CNKSR3: variants seen among roughly 807,000 people sequenced by gnomAD.
The protein encoded by CNKSR3 is CNKSR family member 3.
In CNKSR3, 36 loss-of-function variants were observed where a neutral mutation model predicts 67.7. That is an observed-to-expected ratio of 0.53 (90% CI 0.41 to 0.70). CNKSR3 has a LOEUF of 0.70. Ranked by LOEUF, CNKSR3 falls within the 30% of genes least tolerant of loss-of-function variation. The pLI, the probability that CNKSR3 is intolerant of heterozygous loss-of-function variation, is 0.00. For synonymous variants in CNKSR3, 281 were observed against 271.4 expected, an observed-to-expected ratio of 1.04 and a Z score of -0.35; for missense variants, 630 against 695.2, an observed-to-expected ratio of 0.91 and a Z score of 1.05.
chr6:154,416,804 A>T (rs1554231423), intron 9 of CNKSR3, among the ~76,000 whole-genome samples: 1 of 152,192 alleles, frequency 6.6e-6, no homozygotes, highest in Non-Finnish European at 1.5e-5. Context: ...GGCACATCGC[A>T]AGAACACCTG....
At chr6:154,463,768 C>G in intron 1 of CNKSR3, among the ~76,000 whole-genome samples, 1 of 152,090 alleles carries the variant, frequency 6.6e-6, no homozygotes, top group Admixed American at 6.5e-5. Flanking sequence ...GGCTCTGGCT[C>G]TCATGAGCTA....
At chr6:154,462,489 C>CA (rs1460200445) in intron 1 of CNKSR3, among the ~76,000 whole-genome samples, 1 of 152,196 alleles carries the variant, frequency 6.6e-6, no homozygotes, top group Non-Finnish European at 1.5e-5. Flanking sequence ...TCTTAATGCA[C>CA]AACTTCAATG....
At chr6:154,407,355 T>A (rs1025092673) in intron 12 of CNKSR3, among the ~76,000 whole-genome samples, 2 of 152,224 alleles carry the variant, frequency 1.3e-5, no homozygotes, top group Non-Finnish European at 2.9e-5. Context: ...CCCCCTGGGA[T>A]GTGGCTGGAA....
At chr6:154,409,896 A>G (rs1225927554) in intron 12 of CNKSR3, among the ~76,000 whole-genome samples, 2 of 151,468 alleles carry the variant, frequency 1.3e-5, no homozygotes, top group East Asian at 3.9e-4. Flanking sequence ...AAAAAAAAAA[A>G]ATTAGCCAGC....
At chr6:154,470,305 A>G (rs1316177701) in intron 1 of CNKSR3, among the ~76,000 whole-genome samples, 1 of 144,306 alleles carries the variant, frequency 6.9e-6, no homozygotes, top group Non-Finnish European at 1.5e-5. Context: ...GGTTCAAGCA[A>G]TCCTCCCACC....
intron 1 of CNKSR3, among the ~76,000 whole-genome samples, chr6:154,475,277 A>AAC (rs1786419949): frequency 6.6e-6 from 1 of 152,036 alleles, no homozygotes; most frequent in Non-Finnish European, 1.5e-5. Context: ...TCAGAGTTAC[A>AAC]ACACACGCCT....
At chr6:154,471,401 G>A (rs1262280736) in intron 1 of CNKSR3, among the ~76,000 whole-genome samples, 1 of 152,106 alleles carries the variant, frequency 6.6e-6, no homozygotes, top group East Asian at 1.9e-4. Flanking sequence ...AGCCAGGCAT[G>A]GTGGCACAGA....
intron 3 of CNKSR3, among the ~76,000 whole-genome samples, 182 bp downstream of exon 3, chr6:154,441,906 A>C (rs1785597887): frequency 6.6e-6 from 1 of 152,200 alleles, no homozygotes; most frequent in Non-Finnish European, 1.5e-5. Context: ...TCCTGCTATT[A>C]ACCTTTTAAG....
intron 5 of CNKSR3, among the ~76,000 whole-genome samples, chr6:154,432,309 G>A (rs1360476681): frequency 1.3e-5 from 2 of 151,990 alleles, no homozygotes; most frequent in Non-Finnish European, 2.9e-5. Flanking sequence ...TGTATTCTTT[G>A]GTGAAGTACC....
rs1784629294 is a variant in CNKSR3, at chr6:154,393,490, T to C, written c.*12864A>G. On this transcript the variant is annotated 3_prime_UTR_variant, in exon 13 of 13. Coordinates refer to ENST00000607772, the MANE Select transcript of CNKSR3 (RefSeq NM_173515.4). ...ATCTGATTCTCTTTTGCAAAATGCC[T>C]TTTCGCTCGTTTTTGTGTTGATTTG... The C allele has an allele frequency of 6.6e-6, 1 of 152,238 alleles. No individual in the cohort carries two copies. The highest frequency in any genetic ancestry group is 2.4e-5 in the African/African-American group (1 of 41,462). 9.4% of individuals were successfully genotyped at this position (152,238 alleles called of 1,614,324 possible).
chr6:154,480,233 A>G (rs1786538603), intron 1 of CNKSR3, among the ~76,000 whole-genome samples: 2 of 152,104 alleles, frequency 1.3e-5, no homozygotes, highest in Non-Finnish European at 2.9e-5. Context: ...TAAGCTGGGC[A>G]CTCTCTCCTG....
chr6:154,506,413 GGTGGCCAT>G (rs1787104730), intron 1 of CNKSR3, among the ~76,000 whole-genome samples: 1 of 152,202 alleles, frequency 6.6e-6, no homozygotes, highest in South Asian at 2.1e-4. Flanking sequence ...TGCTGCATGA[GGTGGCCAT>G]GTGACATTTC....
At chr6:154,489,709 G>A (rs1234909077) in intron 1 of CNKSR3, among the ~76,000 whole-genome samples, 1 of 152,104 alleles carries the variant, frequency 6.6e-6, no homozygotes, top group Non-Finnish European at 1.5e-5. Flanking sequence ...TGGGGTTAGG[G>A]AATCCTAACC....
intron 2 of CNKSR3, among the ~76,000 whole-genome samples, chr6:154,443,548 G>A (rs1785647604): frequency 6.6e-6 from 1 of 151,904 alleles, no homozygotes; most frequent in Non-Finnish European, 1.5e-5. Flanking sequence ...GGGACGTGAG[G>A]GCTGCAGAAG....
intron 1 of CNKSR3, among the ~76,000 whole-genome samples, chr6:154,465,619 A>G (rs1286676382): frequency 6.6e-6 from 1 of 152,190 alleles, no homozygotes; most frequent in Non-Finnish European, 1.5e-5. Context: ...CCTCCAACAC[A>G]GAAACGTTCA....
Position 154,392,386 on chromosome 6 carries a change from A to G in CNKSR3, c.*13968T>C, listed in dbSNP as rs924873411. On this transcript the variant is annotated 3_prime_UTR_variant, in exon 13 of 13. Transcript: ENST00000607772. ...CATGTAAACCTTTTTTTGCCAACAG[A>G]CATTGGGCTGTGTTCTACAAAGGCA... The G allele has an allele frequency of 2.0e-5, 3 of 152,194 alleles. No homozygotes were observed. The highest frequency in any genetic ancestry group is 4.8e-5 in the African/African-American group (2 of 41,462). The allele number at this position is 152,194 out of a possible 1,614,324, so 9.4% of individuals were successfully genotyped here.
Position 154,509,898 on chromosome 6 carries a change from G to C in CNKSR3, c.52+165C>G, listed in dbSNP as rs542061175. Among the ~76,000 whole-genome samples the C allele has an allele frequency of 2.6e-5, 4 of 152,196 alleles. No homozygotes were observed. The East Asian group carries it at 5.8e-4, about 22-fold the overall frequency. The stretch of plus-strand genomic sequence containing the variant: ...GAAAGGAAGAGCTCGGAGCAGGTAC[G>C]AGAGATAGGAGCGCACAGGCCACTC... On this transcript the variant is annotated intron_variant, in intron 1 of 12. Coordinates refer to ENST00000607772, the MANE Select transcript of CNKSR3 (RefSeq NM_173515.4).
chr6:154,414,257 C>T (rs1339082893), intron 10 of CNKSR3, 42 bp downstream of exon 10: 1 of 1,532,124 alleles, frequency 6.5e-7, no homozygotes, highest in Non-Finnish European at 8.7e-7. Context: ...CAAATGACAC[C>T]AACAGGAGAC....
chr6:154,432,260 A>C (rs1027069184), intron 5 of CNKSR3, among the ~76,000 whole-genome samples: 4 of 152,232 alleles, frequency 2.6e-5, no homozygotes, highest in Admixed American at 2.0e-4. Context: ...AATACAAATG[A>C]CATTGAACAT....
Sources: allele counts gnomAD v4.1 joint callset (sites outside exome capture counted in the v4.1 genomes callset), GRCh38; gene constraint gnomAD v4.1.1; transcripts MANE v1.5; gene names NCBI Gene and HGNC (gene_info 2026-07-23, HGNC 2026-07-21).